Variants in PRKG2 observed in about 807,000 individuals in gnomAD.
PRKG2 encodes the protein protein kinase cGMP-dependent 2.
In PRKG2, 33 loss-of-function variants were observed where a neutral mutation model predicts 97.2. The observed-to-expected ratio is 0.34, with a 90% CI of 0.26 to 0.45. The LOEUF (loss-of-function observed/expected upper bound fraction) is 0.45, where lower values mean the gene tolerates loss of function less well. Among genes scored for constraint, PRKG2 ranks in the 20% least tolerant of loss-of-function variants. The pLI, the probability that PRKG2 is intolerant of heterozygous loss-of-function variation, is 1.00. For missense variants in PRKG2, 638 were observed against 900.0 expected, an observed-to-expected ratio of 0.71 and a Z score of 3.73; for synonymous variants, 330 against 321.8, an observed-to-expected ratio of 1.03 and a Z score of -0.27.
At chr4:81,200,020 A>G (rs6814849) in intron 2 of PRKG2, among the ~76,000 whole-genome samples, 6,487 of 152,274 alleles carry the variant, frequency 0.043, 438 homozygotes, top group African/African-American at 0.15. Flanking sequence ...CATACCAGCA[A>G]CTTGCCAGAT....
At chr4:81,156,914 G>C (rs896409307) in intron 6 of PRKG2, among the ~76,000 whole-genome samples, 4 of 152,114 alleles carry the variant, frequency 2.6e-5, no homozygotes, top group African/African-American at 9.7e-5. Context: ...AGAATCTCTG[G>C]GATGCATTCA....
chr4:81,204,836 T>G lies in PRKG2; in HGVS notation c.212A>C (p.Glu71Ala). ...QTVAIAELTE[E>A]LQNKCIQLNK... is the part of the protein sequence containing the mutation. ...CAGCTGGATGCACTTGTTCTGGAGC[T>G]CCTCTGTGAGTTCAGCAATGGCCAC... The change falls in exon 2 of 19, where the codon GAG becomes GCG. Residue 71 changes from glutamate to alanine, a missense_variant. Glu to Ala is a moderately radical substitution (Grantham distance 107, BLOSUM62 -1). Transcript: ENST00000264399. 1 of 1,614,168 alleles carries G rather than the reference T, an allele frequency of 6.2e-7. No homozygotes were observed. Among genetic ancestry groups the G allele is most frequent in the Non-Finnish European group, 8.5e-7 (1 of 1,180,020 alleles).
At chr4:81,196,049 G>A (rs550707548) in intron 2 of PRKG2, among the ~76,000 whole-genome samples, 2 of 152,194 alleles carry the variant, frequency 1.3e-5, no homozygotes, top group Non-Finnish European at 2.9e-5. Flanking sequence ...TTATCCAGCT[G>A]AGTCTGAAGA....
At chr4:81,151,907 A>G in intron 8 of PRKG2, 53 bp downstream of exon 8, 6 of 1,392,662 alleles carry the variant, frequency 4.3e-6, no homozygotes, top group Non-Finnish European at 6.1e-6. Context: ...ATTTTATATA[A>G]AAAATAGTCG....
intron 14 of PRKG2, among the ~76,000 whole-genome samples, chr4:81,122,064 C>A (rs1289642513): frequency 3.9e-5 from 6 of 152,104 alleles, no homozygotes; most frequent in Non-Finnish European, 1.5e-5. Flanking sequence ...TCATATAGGA[C>A]ATTTATTGAT....
At chr4:81,162,585 A>C (rs763574190) in intron 6 of PRKG2, among the ~76,000 whole-genome samples, 1 of 152,156 alleles carries the variant, frequency 6.6e-6, no homozygotes. Context: ...CGAGTGACAA[A>C]CTTCTGTTTT....
intron 2 of PRKG2, among the ~76,000 whole-genome samples, chr4:81,190,178 T>C (rs1476486829): frequency 6.6e-6 from 1 of 152,132 alleles, no homozygotes; most frequent in East Asian, 1.9e-4. Context: ...CTTCAAACTA[T>C]TGGACATGGC....
rs964117475 is a variant in PRKG2, at chr4:81,103,356, C to T, written c.2126+1014G>A. On this transcript the variant is annotated intron_variant, in intron 17 of 18. Coordinates refer to ENST00000264399, the MANE Select transcript of PRKG2 (RefSeq NM_006259.3). Reference sequence around the variant, plus strand: ...CGTCTTATGAAGGTTATCAATGGCTCTAAAGGCCAGCTTTAAAAATTCACA... The same window carrying T: ...CGTCTTATGAAGGTTATCAATGGCTTTAAAGGCCAGCTTTAAAAATTCACA... Among the ~76,000 whole-genome samples, 1,220 of 151,724 alleles carry T rather than the reference C, an allele frequency of 8.0e-3. 10 individuals are homozygous for T. The highest frequency in any genetic ancestry group is 0.028 in the African/African-American group (1,140 of 41,362).
At chr4:81,208,011 A>G (rs1753770652) in intron 1 of PRKG2, among the ~76,000 whole-genome samples, 1 of 152,218 alleles carries the variant, frequency 6.6e-6, no homozygotes, top group Non-Finnish European at 1.5e-5. Context: ...ACTGCAGGTT[A>G]TTAAAATCAT....
intron 14 of PRKG2, among the ~76,000 whole-genome samples, chr4:81,125,876 G>T (rs1287532275): frequency 6.6e-6 from 1 of 151,986 alleles, no homozygotes; most frequent in Non-Finnish European, 1.5e-5. Context: ...CTTTTGTGAA[G>T]TGTTTTTTTT....
intron 17 of PRKG2, among the ~76,000 whole-genome samples, chr4:81,095,591 T>C (rs940126033): frequency 3.3e-5 from 5 of 152,238 alleles, no homozygotes; most frequent in African/African-American, 9.6e-5. Flanking sequence ...TCACAGTACT[T>C]ACTTAACATG....
intron 6 of PRKG2, among the ~76,000 whole-genome samples, chr4:81,157,049 G>A (rs1410064560): frequency 2.0e-5 from 3 of 151,978 alleles, no homozygotes; most frequent in Admixed American, 6.6e-5. Context: ...CACATTCAAA[G>A]GCTAGCAGAA....
At chr4:81,190,738 C>T (rs1375197037) in intron 2 of PRKG2, among the ~76,000 whole-genome samples, 2 of 151,560 alleles carry the variant, frequency 1.3e-5, no homozygotes, top group Non-Finnish European at 2.9e-5. Flanking sequence ...AACAAATCTA[C>T]GAGAAAAAAA....
intron 13 of PRKG2, among the ~76,000 whole-genome samples, chr4:81,136,663 T>C (rs181667686): frequency 6.6e-6 from 1 of 152,192 alleles, no homozygotes; most frequent in Admixed American, 6.5e-5. Flanking sequence ...GAATCCTTCC[T>C]CTATCATCAC....
rs1743285970 is a variant in PRKG2, at chr4:81,105,930, G to A, written c.1946C>T (p.Pro649Leu). ...CATCATTTGGTCAACCCCAGAAAAG[G>A]GTGGGCTAGATAGAGAAAATCCAGA... Reference protein sequence around the residue: ...LVYELLTGNPPFSGVDQMMTY... With the variant: ...LVYELLTGNPLFSGVDQMMTY... Residue 649 changes from proline (P) to leucine (L), a missense_variant, in exon 16 of 19, where the codon CCC becomes CTC. Pro to Leu is a moderately conservative substitution (Grantham distance 98). Transcript: ENST00000264399. 1 of 1,613,286 alleles carries A rather than the reference G, an allele frequency of 6.2e-7. No individual in the cohort carries two copies. Among genetic ancestry groups the A allele is most frequent in the African/African-American group, 1.3e-5 (1 of 74,852 alleles).
In PRKG2 at chr4:81,174,916, G is replaced by T; in HGVS notation, c.505C>A (p.Leu169Met). 6.2e-7 allele frequency: 1 copy of T among 1,612,602 alleles called. No individual in the cohort carries two copies. Among genetic ancestry groups the T allele is most frequent in the Non-Finnish European group, 8.5e-7 (1 of 1,179,088 alleles). Residue 169 changes from leucine to methionine, a missense_variant, in exon 3 of 19, where the codon CTG (leucine) becomes ATG (methionine). Around this residue, in one of 3 missense-constraint regions of PRKG2, gnomAD observed 332 missense variants for 421.7 expected, o/e 0.79. Transcript: ENST00000264399. Reference sequence around the variant, plus strand: ...ATCTGCTGAGGATCCAGTCTTTTCAGAAACTGATTTTTATTAAGGGCATCT... The same window carrying T: ...ATCTGCTGAGGATCCAGTCTTTTCATAAACTGATTTTTATTAAGGGCATCT... ...ITDALNKNQF[L>M]KRLDPQQIKD... is the part of the protein sequence containing the mutation.
intron 1 of PRKG2, among the ~76,000 whole-genome samples, chr4:81,210,195 C>T (rs1753895178): frequency 6.6e-6 from 1 of 150,764 alleles, no homozygotes; most frequent in African/African-American, 2.4e-5. Flanking sequence ...AGATAAAAGA[C>T]CAAAAAGCCT....
chr4:81,195,595 G>A (rs146127470), intron 2 of PRKG2, among the ~76,000 whole-genome samples: 18 of 152,004 alleles, frequency 1.2e-4, no homozygotes, highest in African/African-American at 3.6e-4. Context: ...TTTCTGTCTC[G>A]ATGAATTTGA....
chr4:81,121,048 G>T (rs570627812), intron 14 of PRKG2, among the ~76,000 whole-genome samples: 3 of 152,058 alleles, frequency 2.0e-5, no homozygotes, highest in Non-Finnish European at 4.4e-5. Context: ...TTATTGATAT[G>T]ATAATATAAT....
Sources: allele counts gnomAD v4.1 joint callset (sites outside exome capture counted in the v4.1 genomes callset), GRCh38; gene constraint gnomAD v4.1.1; regional missense constraint gnomAD v4.1.1; transcripts MANE v1.5; gene names NCBI Gene and HGNC (gene_info 2026-07-23, HGNC 2026-07-21).